The following ZNF750 variants were observed in gnomAD, a reference collection of about 807,000 sequenced individuals.
The protein encoded by ZNF750 is zinc finger protein 750.
Under a neutral mutation model 31.6 loss-of-function variants are expected in ZNF750, and 10 were observed. The ratio of observed to expected loss-of-function variants is 0.32; its 90% CI spans 0.19 to 0.54. The LOEUF is 0.54. Ranked by LOEUF, ZNF750 falls within the 20% of genes least tolerant of loss-of-function variation. The pLI, the probability that ZNF750 is intolerant of heterozygous loss-of-function variation, is 0.95. For missense variants in ZNF750, 914 were observed against 934.9 expected (o/e 0.98, Z 0.29); for synonymous variants, 400 against 404.9 (o/e 0.99, Z 0.15).
At position 82,831,396 on chromosome 17, in the gene ZNF750, G is replaced by A. The variant is rs756971141; in HGVS notation, c.1059C>T (p.Ala353=). Reference sequence around the variant, plus strand: ...GACTCGAGGCTGGATAGACCAGGGTGGCTTCTTCAAGCAGGTGAGAGCTCT... The same window carrying A: ...GACTCGAGGCTGGATAGACCAGGGTAGCTTCTTCAAGCAGGTGAGAGCTCT... ...RDQSSHLLEE[A]TLVYPASSPS... Residue 353 remains alanine, a synonymous_variant, in exon 2 of 3, where the codon GCC becomes GCT. Transcript: ENST00000269394. The surrounding 1 kb of genome is among the most constrained non-coding windows in gnomAD (Gnocchi z 4.6). 3 of 1,614,196 alleles carry A rather than the reference G, an allele frequency of 1.9e-6. No homozygotes were observed. Among genetic ancestry groups the A allele is most frequent in the East Asian group, 2.2e-5 (1 of 44,880 alleles).
chr17:82,829,795 G>A lies in ZNF750; in HGVS notation c.*347C>T, dbSNP rs571419361. The A allele has an allele frequency of 2.9e-5, 8 of 271,792 alleles. No individual in the cohort carries two copies. The East Asian group carries it at 4.7e-4, about 16-fold the overall frequency. The allele number at this position is 271,792 out of a possible 1,614,324, so 16.8% of individuals were successfully genotyped here. On this transcript the variant is annotated 3_prime_UTR_variant, in exon 3 of 3. Coordinates refer to ENST00000269394, the MANE Select transcript of ZNF750 (RefSeq NM_024702.3). The stretch of plus-strand genomic sequence containing the variant: ...CATTTACATCAAATATGCAGCTAGA[G>A]CTAATAGAAAAACAGTTAAAACAAT...
rs113712631 is a variant in ZNF750 at position 82,830,805 on chromosome 17, G to A, written c.1509C>T (p.Ser503=). 1.4e-5 allele frequency: 23 copies of A among 1,613,546 alleles called. 1 individual carries two copies. The African/African-American group carries it at 2.1e-4, about 15-fold the overall frequency. ...CCATCCCGGAGCTGTCGTCCGGACT[G>A]GAAGGCGCGGCCTCCGAGACGAGAG... ...SASLVSEAAP[S]SPDDSSGMGP... is the part of the protein sequence containing the mutation. The change falls in exon 3 of 3, where the codon TCC becomes TCT. Residue 503 remains serine (S), a synonymous_variant. Coordinates refer to ENST00000269394, the MANE Select transcript of ZNF750 (RefSeq NM_024702.3).
At chr17:82,837,559 A>G (rs1427512341) in intron 1 of ZNF750, among the ~76,000 whole-genome samples, 1 of 152,188 alleles carries the variant, frequency 6.6e-6, no homozygotes, top group Non-Finnish European at 1.5e-5. Flanking sequence ...CTGTCTGTTA[A>G]TAAAGCAGAG....
chr17:82,830,359 C>T lies in ZNF750; in HGVS notation c.1955G>A (p.Gly652Asp), dbSNP rs376046352. 13 of 1,613,306 alleles carry T rather than the reference C, an allele frequency of 8.1e-6. No individual in the cohort carries two copies. In the African/African-American group the frequency reaches 1.2e-4, roughly 15 times the overall value. ...AAYSPRNIRV[G>D]DGDAAAPEPA... ...TTCCGGGGCCGCAGCATCCCCATCGCCCACCCGGATGTTCCTGGGGCTGTA... is the reference window on the plus strand; with the variant it reads ...TTCCGGGGCCGCAGCATCCCCATCGTCCACCCGGATGTTCCTGGGGCTGTA... Residue 652 changes from glycine to aspartate, a missense_variant, in exon 3 of 3, where the codon GGC becomes GAC. Around this residue, in one of 2 missense-constraint regions of ZNF750, gnomAD observed 880 missense variants for 868.9 expected, o/e 1.01. Coordinates refer to ENST00000269394, the MANE Select transcript of ZNF750 (RefSeq NM_024702.3).
intron 1 of ZNF750, among the ~76,000 whole-genome samples, chr17:82,836,407 GAC>G (rs1406946266): frequency 1.3e-5 from 2 of 152,258 alleles, no homozygotes; most frequent in African/African-American, 2.4e-5. Context: ...TCGAAACGAT[GAC>G]AGTTGCAAAA....
chr17:82,830,802 A>G lies in ZNF750; in HGVS notation c.1512T>C (p.Ser504=). The change falls in exon 3 of 3, where the codon AGT becomes AGC. Residue 504 remains serine, a synonymous_variant. Transcript: ENST00000269394. The part of the protein sequence containing the change: ...ASLVSEAAPS[S]PDDSSGMGPL... ...GGCCCATCCCGGAGCTGTCGTCCGG[A>G]CTGGAAGGCGCGGCCTCCGAGACGA... 2.5e-6 allele frequency: 4 copies of G among 1,613,502 alleles called. No individual in the cohort carries two copies. Among genetic ancestry groups the G allele is most frequent in the Non-Finnish European group, 3.4e-6 (4 of 1,180,020 alleles).
chr17:82,838,569 C>T (rs2054183084), intron 1 of ZNF750: 1 of 833,372 alleles, frequency 1.2e-6, no homozygotes, highest in Non-Finnish European at 1.4e-6. Flanking sequence ...TGTTGCATAA[C>T]TCAAGGACAC....
Position 82,829,947 on chromosome 17 carries a change from C to T in ZNF750, c.*195G>A, listed in dbSNP as rs986034233. 8 of 884,754 alleles carry T rather than the reference C, an allele frequency of 9.0e-6. No homozygotes were observed. Among genetic ancestry groups the T allele is most frequent in the South Asian group, 5.3e-5 (3 of 56,170 alleles). The allele number at this position is 884,754 out of a possible 1,614,324, so 54.8% of individuals were successfully genotyped here. A position where few individuals can be genotyped will look rare whatever the true frequency, so the allele number is the denominator to read the frequency against. On this transcript the variant is annotated 3_prime_UTR_variant, in exon 3 of 3. Coordinates refer to ENST00000269394, the MANE Select transcript of ZNF750 (RefSeq NM_024702.3). ...GTTTTTACAACCAAAAGTAGAAGCA[C>T]CTTTTAATATTCATGCTTAATATTT...
chr17:82,837,070 C>T (rs948363390), intron 1 of ZNF750, among the ~76,000 whole-genome samples: 3 of 152,196 alleles, frequency 2.0e-5, no homozygotes, highest in African/African-American at 7.2e-5. Flanking sequence ...ACAGGGAGCA[C>T]AGCTGCTTCA....
chr17:82,832,627 C>A lies in ZNF750; in HGVS notation c.-173G>T. ...TCTGGCGAGAGCCTCCGTCATCTGG[C>A]GGCTGGGAGCTGTAATAAAGAGCAG... On this transcript the variant is annotated 5_prime_UTR_variant, in exon 2 of 3. Transcript: ENST00000269394. The surrounding 1 kb of genome is among the most constrained non-coding windows in gnomAD (Gnocchi z 4.9). The A allele has an allele frequency of 3.0e-6, 2 of 658,662 alleles. No individual in the cohort carries two copies. Among genetic ancestry groups the A allele is most frequent in the Non-Finnish European group, 5.3e-6 (2 of 376,258 alleles). The allele number at this position is 658,662 out of a possible 1,614,324, so 40.8% of individuals were successfully genotyped here.
chr17:82,831,549 G>A lies in ZNF750; in HGVS notation c.906C>T (p.Tyr302=), dbSNP rs772392011. The A allele has an allele frequency of 4.3e-6, 7 of 1,614,044 alleles. No individual in the cohort carries two copies. Among genetic ancestry groups the A allele is most frequent in the Admixed American group, 1.7e-5 (1 of 60,002 alleles). ...ATTGCTGGAAAAACCTGTAGTGATC[G>A]TATGTGGCTGGAGATGGAGCCAGGT... is the stretch of plus-strand genomic sequence containing the variant. ...PKHLAPSPAT[Y]DHYRFFQQYP... The change falls in exon 2 of 3, where the codon TAC becomes TAT. Residue 302 remains tyrosine, a synonymous_variant. Coordinates refer to ENST00000269394, the MANE Select transcript of ZNF750 (RefSeq NM_024702.3). The surrounding 1 kb of genome is among the most constrained non-coding windows in gnomAD (Gnocchi z 4.6).
rs1327976330 is a variant in ZNF750 at position 82,833,453 on chromosome 17, CATT to C, written c.-182-820_-182-818del. 6.6e-6 allele frequency among the ~76,000 whole-genome samples: 1 copy of C among 152,194 alleles called. No homozygotes were observed. Among genetic ancestry groups the C allele is most frequent in the African/African-American group, 2.4e-5 (1 of 41,450 alleles). On this transcript the variant is annotated intron_variant, in intron 1 of 2. Coordinates refer to ENST00000269394, the MANE Select transcript of ZNF750 (RefSeq NM_024702.3). The surrounding 1 kb of genome is among the most constrained non-coding windows in gnomAD (Gnocchi z 4.7). ...CTACTGCTTCTAAAGTCAGCTTTAT[CATT>C]AAGTAGCATTTATGTTGTCTCAGAT...
In ZNF750 at chr17:82,829,987, G is replaced by A; in HGVS notation, c.*155C>T. Reference sequence around the variant, plus strand: ...GCTTAATATTTATAAAAACTGAATTGGAGGGTTTTTTGTTTGTTTGTTTGT... The same window carrying A: ...GCTTAATATTTATAAAAACTGAATTAGAGGGTTTTTTGTTTGTTTGTTTGT... On this transcript the variant is annotated 3_prime_UTR_variant, in exon 3 of 3. Coordinates refer to ENST00000269394, the MANE Select transcript of ZNF750 (RefSeq NM_024702.3). 1 of 1,238,764 alleles carries A rather than the reference G, an allele frequency of 8.1e-7. No individual in the cohort carries two copies. The highest frequency in any genetic ancestry group is 1.5e-5 in the South Asian group (1 of 68,790). 76.7% of individuals were successfully genotyped at this position (1,238,764 alleles called of 1,614,324 possible).
rs758999190 is a variant in ZNF750, at chr17:82,831,720, G to A, written c.735C>T (p.His245=). The A allele has an allele frequency of 2.5e-6, 4 of 1,614,196 alleles. No individual in the cohort carries two copies. The highest frequency in any genetic ancestry group is 2.7e-5 in the African/African-American group (2 of 75,032). Residue 245 remains histidine (H), a synonymous_variant, in exon 2 of 3, where the codon CAC becomes CAT. Transcript: ENST00000269394. The surrounding 1 kb of genome is among the most constrained non-coding windows in gnomAD (Gnocchi z 4.6). ...TGGCCAGCCCGTGCTCTGTGTAAAAGTGAGGCGGGTACTCTGGGATTGTGG... is the reference window on the plus strand; with the variant it reads ...TGGCCAGCCCGTGCTCTGTGTAAAAATGAGGCGGGTACTCTGGGATTGTGG... ...MHPTIPEYPP[H]FYTEHGLATI... is the part of the protein sequence containing the mutation.
chr17:82,832,520 T>C lies in ZNF750; in HGVS notation c.-66A>G. The C allele has an allele frequency of 6.9e-7, 1 of 1,443,964 alleles. No homozygotes were observed. Among genetic ancestry groups the C allele is most frequent in the Non-Finnish European group, 9.6e-7 (1 of 1,039,616 alleles). 89.4% of individuals were successfully genotyped at this position (1,443,964 alleles called of 1,614,324 possible). ...TGATCACTGTCGACGCCGCGTGCAC[T>C]TCGTGGTTTCTAAAGAGGCACCTCC... is the stretch of plus-strand genomic sequence containing the variant. On this transcript the variant is annotated 5_prime_UTR_variant, in exon 2 of 3. Transcript: ENST00000269394. The surrounding 1 kb of genome is among the most constrained non-coding windows in gnomAD (Gnocchi z 4.9).
rs761358508 is a variant in ZNF750, at chr17:82,830,290, C to A, written c.2024G>T (p.Ser675Ile). The change falls in exon 3 of 3, where the codon AGC becomes ATC. Residue 675 changes from serine (S) to isoleucine (I), a missense_variant. By Grantham distance (142) the Ser-to-Ile change is moderately radical. Transcript: ENST00000269394. ...QDTPTLSSME[S>I]QEAQCDLRPK... ...TCTGAGGTCACACTGGGCCTCTTGG[C>A]TCTCCATGGAGCTCAGTGTGGGTGT... The A allele has an allele frequency of 6.2e-7, 1 of 1,614,230 alleles. No homozygotes were observed. The highest frequency in any genetic ancestry group is 8.5e-7 in the Non-Finnish European group (1 of 1,180,048).
In ZNF750 at chr17:82,830,224, T is replaced by C; in HGVS notation, c.2090A>G (p.Lys697Arg). The change falls in exon 3 of 3, where the codon AAA (lysine) becomes AGA (arginine). Residue 697 changes from lysine (K) to arginine (R), a missense_variant. Transcript: ENST00000269394. ...CGCCTTCTTAGCTCCTTGCTGGGAT[T>C]TTCCAGCATCCCTTAGACTTGTCCT... is the stretch of plus-strand genomic sequence containing the variant. ...QKRTSLRDAG[K>R]SQQGAKKAKL... 2 of 1,614,230 alleles carry C rather than the reference T, an allele frequency of 1.2e-6. No individual in the cohort carries two copies. Among genetic ancestry groups the C allele is most frequent in the Non-Finnish European group, 1.7e-6 (2 of 1,180,050 alleles).
Position 82,832,494 on chromosome 17 carries a change from G to A in ZNF750, c.-40C>T, listed in dbSNP as rs771390408. The A allele has an allele frequency of 1.8e-5, 29 of 1,579,364 alleles. No individual in the cohort carries two copies. Among genetic ancestry groups the A allele is most frequent in the Non-Finnish European group, 2.4e-5 (28 of 1,159,022 alleles). On this transcript the variant is annotated 5_prime_UTR_variant, in exon 2 of 3. The change creates a new upstream start codon in the 5' untranslated region. Coordinates refer to ENST00000269394, the MANE Select transcript of ZNF750 (RefSeq NM_024702.3). The surrounding 1 kb of genome is among the most constrained non-coding windows in gnomAD (Gnocchi z 4.9). ...CTTGGACTCTGGCTGTCCAGGTGGC[G>A]TGATCACTGTCGACGCCGCGTGCAC...
chr17:82,833,016 G>A lies in ZNF750; in HGVS notation c.-182-380C>T, dbSNP rs140597232. 9.3e-4 allele frequency among the ~76,000 whole-genome samples: 142 copies of A among 152,192 alleles called. 2 individuals carry two copies. In the East Asian group the frequency reaches 0.025, roughly 26 times the overall value. On this transcript the variant is annotated intron_variant, in intron 1 of 2. Transcript: ENST00000269394. This position sits in a 1 kb window ranked among gnomAD's most constrained non-coding sequence, Gnocchi z 4.7. ...CGCCCTGCCGGGGGCTGAGGACACC[G>A]AGCCCCCTCCCAGGGTCTGGACAGA...
Sources: allele counts gnomAD v4.1 joint callset (sites outside exome capture counted in the v4.1 genomes callset), GRCh38; gene constraint gnomAD v4.1.1; regional missense constraint gnomAD v4.1.1; non-coding constraint Gnocchi (gnomAD v3.1); transcripts MANE v1.5; gene names NCBI Gene and HGNC (gene_info 2026-07-23, HGNC 2026-07-21).